Variants in KCNH8 observed in about 807,000 individuals in gnomAD.
The protein encoded by KCNH8 is voltage-gated delayed rectifier potassium channel KCNH8.
A neutral mutation model predicts 103.6 loss-of-function variants in KCNH8; 70 were observed. That is an observed-to-expected ratio of 0.68 (90% CI 0.56 to 0.82). The LOEUF is 0.82. KCNH8 is among the 40% of genes least tolerant of loss of function. The pLI, the probability that KCNH8 is intolerant of heterozygous loss-of-function variation, is 0.00. For synonymous variants in KCNH8, 498 were observed against 489.4 expected (o/e 1.02, Z -0.23); for missense variants, 1,217 against 1,329.9 (o/e 0.92, Z 1.32).
At chr3:19,157,343 G>T (rs1481994655) in intron 1 of KCNH8, among the ~76,000 whole-genome samples, 2 of 152,016 alleles carry the variant, frequency 1.3e-5, no homozygotes, top group Non-Finnish European at 2.9e-5. Context: ...AAGAATGAGG[G>T]TATTGGGCCT....
intron 15 of KCNH8, among the ~76,000 whole-genome samples, chr3:19,522,798 T>G (rs1381528833): frequency 6.6e-6 from 1 of 151,902 alleles, no homozygotes; most frequent in Non-Finnish European, 1.5e-5. Flanking sequence ...TAATTCTTCT[T>G]AGGCTCTGAT....
At chr3:19,331,739 C>G (rs1371156093) in intron 3 of KCNH8, among the ~76,000 whole-genome samples, 1 of 152,154 alleles carries the variant, frequency 6.6e-6, no homozygotes. Context: ...CTTTGTGTTA[C>G]AAACATTCCA....
At chr3:19,185,941 A>G (rs549876850) in intron 1 of KCNH8, among the ~76,000 whole-genome samples, 11 of 151,986 alleles carry the variant, frequency 7.2e-5, no homozygotes, top group Non-Finnish European at 1.5e-4. Flanking sequence ...ACATGCACAC[A>G]CATTCATTTT....
chr3:19,230,664 C>T (rs1469244803), intron 1 of KCNH8, among the ~76,000 whole-genome samples: 1 of 152,016 alleles, frequency 6.6e-6, no homozygotes, highest in Non-Finnish European at 1.5e-5. Context: ...CAGTTATCAT[C>T]AGTAACTCTT....
At chr3:19,491,790 C>G (rs950553785) in intron 11 of KCNH8, among the ~76,000 whole-genome samples, 5 of 152,238 alleles carry the variant, frequency 3.3e-5, no homozygotes, top group Admixed American at 6.5e-5. Context: ...ACCTAATTTA[C>G]ATTCCCAGCA....
chr3:19,226,078 T>C (rs1189228319), intron 1 of KCNH8, among the ~76,000 whole-genome samples: 1 of 152,222 alleles, frequency 6.6e-6, no homozygotes, highest in Non-Finnish European at 1.5e-5. Context: ...CCCCCAGTCT[T>C]AGATGTATGT....
intron 5 of KCNH8, among the ~76,000 whole-genome samples, chr3:19,360,978 T>C (rs2065939875): frequency 1.3e-5 from 2 of 151,960 alleles, no homozygotes; most frequent in Admixed American, 6.6e-5. Flanking sequence ...ACAACAGAAA[T>C]TGGGAAATAG....
At position 19,245,745 on chromosome 3, in the gene KCNH8, G is replaced by T. The variant is rs559297257; in HGVS notation, c.77-7909G>T. On this transcript the variant is annotated intron_variant, in intron 1 of 15. Transcript: ENST00000328405. ...ATGTTCTTGATTTGACTGTCAGCCT[G>T]GACATTGGTGTATAGAAATGGTATT... Among the ~76,000 whole-genome samples, 3 of 152,046 alleles carry T rather than the reference G, an allele frequency of 2.0e-5. No individual in the cohort carries two copies. The South Asian group carries it at 6.2e-4, about 32-fold the overall frequency.
intron 1 of KCNH8, among the ~76,000 whole-genome samples, chr3:19,215,389 G>GA (rs1212597998): frequency 6.6e-6 from 1 of 152,170 alleles, no homozygotes; most frequent in Non-Finnish European, 1.5e-5. Context: ...AGAGACCTGG[G>GA]AGAACCATGA....
At chr3:19,354,011 A>G (rs1011160617) in intron 5 of KCNH8, among the ~76,000 whole-genome samples, 2 of 152,240 alleles carry the variant, frequency 1.3e-5, no homozygotes, top group African/African-American at 4.8e-5. Context: ...AAATCTCGTT[A>G]AGCTGATAAG....
intron 5 of KCNH8, among the ~76,000 whole-genome samples, chr3:19,362,688 A>G (rs1248997205): frequency 6.6e-6 from 1 of 152,082 alleles, no homozygotes; most frequent in African/African-American, 2.4e-5. Context: ...GTTTGAGACA[A>G]GGTCTCACTC....
intron 7 of KCNH8, among the ~76,000 whole-genome samples, chr3:19,427,859 T>C (rs1413865178): frequency 1.3e-5 from 2 of 152,134 alleles, no homozygotes; most frequent in Non-Finnish European, 2.9e-5. Flanking sequence ...AAGTAGACAG[T>C]AGACAACCTG....
intron 11 of KCNH8, among the ~76,000 whole-genome samples, chr3:19,489,792 A>C (rs1448450305): frequency 1.3e-5 from 2 of 152,138 alleles, no homozygotes; most frequent in Non-Finnish European, 2.9e-5. Flanking sequence ...CAAACCAGAA[A>C]CAACCAAAAT....
At chr3:19,430,432 A>T (rs1489822548) in intron 7 of KCNH8, among the ~76,000 whole-genome samples, 3 of 148,636 alleles carry the variant, frequency 2.0e-5, no homozygotes, top group South Asian at 2.1e-4. Flanking sequence ...TTTTGTTTTT[A>T]TTTGTTTTGC....
At position 19,372,754 on chromosome 3, in the gene KCNH8, T is replaced by G. The variant is rs527484949; in HGVS notation, c.812-17727T>G. ...TATGATATTGGCTGTGGGTTTGTCA[T>G]AGATAGCTCTTATTATTTTGAAATA... On this transcript the variant is annotated intron_variant, in intron 5 of 15. Coordinates refer to ENST00000328405, the MANE Select transcript of KCNH8 (RefSeq NM_144633.3). Among the ~76,000 whole-genome samples, 12 of 152,272 alleles carry G rather than the reference T, an allele frequency of 7.9e-5. No homozygotes were observed. The East Asian group carries it at 1.2e-3, about 15-fold the overall frequency.
At position 19,252,755 on chromosome 3, in the gene KCNH8, T is replaced by C. The variant is rs114241459; in HGVS notation, c.77-899T>C. On this transcript the variant is annotated intron_variant, in intron 1 of 15. Transcript: ENST00000328405. ...TGTGCCAGACACTTCACTAAGCACATAATATGCATAATCTCATTAATTCCT... is the reference window on the plus strand; with the variant it reads ...TGTGCCAGACACTTCACTAAGCACACAATATGCATAATCTCATTAATTCCT... 2.8e-3 allele frequency among the ~76,000 whole-genome samples: 433 copies of C among 152,290 alleles called. 3 individuals carry two copies. Among genetic ancestry groups the C allele is most frequent in the African/African-American group, 9.6e-3 (398 of 41,562 alleles).
chr3:19,236,371 T>C (rs1257411123), intron 1 of KCNH8, among the ~76,000 whole-genome samples: 4 of 152,212 alleles, frequency 2.6e-5, no homozygotes, highest in Admixed American at 2.6e-4. Flanking sequence ...ACACTATCTC[T>C]TCTCTTCTTA....
In KCNH8 at chr3:19,454,227, C is replaced by T. The variant is rs1431195085; in HGVS notation, c.1826-2541C>T. The stretch of plus-strand genomic sequence containing the variant: ...TTTCTTAAGGGGAGAATTTAACACT[C>T]TTCCTGGCCTCTTCTCAAGTTTGGG... On this transcript the variant is annotated intron_variant, in intron 10 of 15. Transcript: ENST00000328405. Among the ~76,000 whole-genome samples, 3 of 150,376 alleles carry T rather than the reference C, an allele frequency of 2.0e-5. No homozygotes were observed. In the Admixed American group the frequency reaches 2.0e-4, roughly 10 times the overall value.
At chr3:19,319,379 A>C (rs146439625) in intron 3 of KCNH8, among the ~76,000 whole-genome samples, 1,694 of 152,146 alleles carry the variant, frequency 0.011, 26 homozygotes, top group African/African-American at 0.038. Context: ...ATTCTTCTAC[A>C]CGTGGCTTGC....
Sources: gnomAD v4.1 joint callset for allele counts (sites outside exome capture counted in the v4.1 genomes callset) on GRCh38, gnomAD v4.1.1 for gene constraint, MANE v1.5 for transcripts, NCBI Gene and HGNC (gene_info 2026-07-23, HGNC 2026-07-21) for gene names.